PIKFYVE: variants seen among roughly 807,000 people sequenced by gnomAD.
The protein encoded by PIKFYVE is phosphoinositide kinase, FYVE-type zinc finger containing.
A neutral mutation model predicts 257.9 loss-of-function variants in PIKFYVE; 122 were observed. That is an observed-to-expected ratio of 0.47 (90% confidence interval 0.41 to 0.55). PIKFYVE has a LOEUF of 0.55. PIKFYVE is among the 20% of genes least tolerant of loss of function. The probability of loss-of-function intolerance (pLI) is 0.00; values close to 1 mark genes in which losing one functional copy is unlikely to be tolerated. For missense variants in PIKFYVE, 2,160 were observed against 2,536.6 expected (o/e 0.85, Z 3.19); for synonymous variants, 892 against 868.9 (o/e 1.03, Z -0.47).
chr2:208,308,708 G>GT (rs1559097410), intron 12 of PIKFYVE, among the ~76,000 whole-genome samples: 83 of 74,888 alleles, frequency 1.1e-3, no homozygotes, highest in Non-Finnish European at 1.8e-3. Context: ...ACTAGTAGTT[G>GT]GTTTTTTTTT....
chr2:208,314,288 A>G lies in PIKFYVE; in HGVS notation c.1697-6A>G, dbSNP rs368782494. On this transcript the variant is annotated splice_region_variant and splice_polypyrimidine_tract_variant and intron_variant, in intron 13 of 41. Transcript: ENST00000264380. The stretch of plus-strand genomic sequence containing the variant: ...GTAATAACTTCTTATTTTATATTGT[A>G]CTTAGAATCCTTATTTAATCGCCGA... The G allele has an allele frequency of 9.9e-6, 16 of 1,610,974 alleles. No individual in the cohort carries two copies. In the African/African-American group the frequency reaches 2.1e-4, roughly 22 times the overall value.
At chr2:208,315,772 C>G (rs1695432007) in intron 15 of PIKFYVE, among the ~76,000 whole-genome samples, 1 of 151,792 alleles carries the variant, frequency 6.6e-6, no homozygotes, top group African/African-American at 2.4e-5. Context: ...GCATGCAGCC[C>G]AAGACTGCTT....
rs1051630493 is a variant in PIKFYVE at position 208,356,088 on chromosome 2, A to G, written c.*783A>G. ...ATTCTAGGGTTTTTTCTCTATTTTT[A>G]GGGTATCATAGTAAATCATTAGTAA... On this transcript the variant is annotated 3_prime_UTR_variant, in exon 42 of 42. Coordinates refer to ENST00000264380, the MANE Select transcript of PIKFYVE (RefSeq NM_015040.4). 14 of 152,222 alleles carry G rather than the reference A, an allele frequency of 9.2e-5. No individual in the cohort carries two copies. Among genetic ancestry groups the G allele is most frequent in the Non-Finnish European group, 1.8e-4 (12 of 68,040 alleles). 9.4% of individuals were successfully genotyped at this position (152,222 alleles called of 1,614,324 possible). A position where few individuals can be genotyped will look rare whatever the true frequency, so the allele number is the denominator to read the frequency against.
chr2:208,285,787 C>T lies in PIKFYVE; in HGVS notation c.675C>T (p.Asp225=), dbSNP rs150006688. Residue 225 remains aspartate (D), a synonymous_variant, in exon 6 of 42, where the codon GAC becomes GAT. Coordinates refer to ENST00000264380, the MANE Select transcript of PIKFYVE (RefSeq NM_015040.4). The part of the protein sequence containing the change: ...KIALSYAHST[D]SNSIGEDLNA... The stretch of plus-strand genomic sequence containing the variant: ...CCTTAAGTTATGCTCATTCCACAGA[C>T]AGTAATTCTATTGGGGAAGACTTGA... The T allele has an allele frequency of 1.2e-5, 19 of 1,613,836 alleles. No individual in the cohort carries two copies. In the East Asian group the frequency reaches 3.6e-4, roughly 30 times the overall value.
At chr2:208,293,717 T>C (rs1418334043) in intron 7 of PIKFYVE, among the ~76,000 whole-genome samples, 3 of 151,564 alleles carry the variant, frequency 2.0e-5, no homozygotes, top group Non-Finnish European at 4.4e-5. Flanking sequence ...GGTCTTGCTG[T>C]GTTGCCCAGG....
intron 35 of PIKFYVE, among the ~76,000 whole-genome samples, chr2:208,348,743 C>G (rs925820457): frequency 2.0e-5 from 3 of 151,918 alleles, no homozygotes; most frequent in African/African-American, 7.3e-5. Flanking sequence ...CATTCATTTA[C>G]TTATCATCTG....
chr2:208,336,074 T>C lies in PIKFYVE; in HGVS notation c.4394T>C (p.Ile1465Thr), dbSNP rs748106179. The C allele has an allele frequency of 6.8e-6, 11 of 1,613,994 alleles. No homozygotes were observed. Among genetic ancestry groups the C allele is most frequent in the Non-Finnish European group, 9.3e-6 (11 of 1,179,994 alleles). Residue 1465 changes from isoleucine to threonine, a missense_variant, in exon 27 of 42, where the codon ATT (isoleucine) becomes ACT (threonine). Around this residue, in one of 12 missense-constraint regions of PIKFYVE, gnomAD observed 699 missense variants for 855.8 expected, o/e 0.82. Transcript: ENST00000264380. ...GAAGAAGGTGAGTTCAAGAACTGGA[T>C]TGAGAAGATGCAAGCAAGGCTCATG... Reference protein sequence around the residue: ...EMEEGEFKNWIEKMQARLMSS... With the variant: ...EMEEGEFKNWTEKMQARLMSS...
At chr2:208,354,191 T>C (rs1425681199) in intron 40 of PIKFYVE, 32 bp downstream of exon 40, 1 of 1,605,532 alleles carries the variant, frequency 6.2e-7, no homozygotes, top group South Asian at 1.1e-5. Flanking sequence ...TTATATTTCA[T>C]GATTGAAGTC....
intron 12 of PIKFYVE, among the ~76,000 whole-genome samples, chr2:208,307,990 A>C (rs1694526832): frequency 6.6e-6 from 1 of 152,228 alleles, no homozygotes; most frequent in African/African-American, 2.4e-5. Flanking sequence ...TATTTATGGG[A>C]TATAAAAAGA....
At chr2:208,319,419 T>G (rs1695944472) in intron 16 of PIKFYVE, among the ~76,000 whole-genome samples, 1 of 152,238 alleles carries the variant, frequency 6.6e-6, no homozygotes, top group South Asian at 2.1e-4. Context: ...AATTAAATGA[T>G]ATTTGTTGAA....
At position 208,342,597 on chromosome 2, in the gene PIKFYVE, C is replaced by G. The variant is rs758597637; in HGVS notation, c.4975C>G (p.Pro1659Ala). 6.2e-7 allele frequency: 1 copy of G among 1,613,908 alleles called. No homozygotes were observed. The highest frequency in any genetic ancestry group is 1.1e-5 in the South Asian group (1 of 91,080). ...CTTAATGTATGAACATGAACGAGTG[C>G]CCATTGCAGTCTGCGAGAAGGAACC... ...HYLMYEHERVPIAVCEKEPSS... is the reference protein window; with the variant it reads ...HYLMYEHERVAIAVCEKEPSS... Residue 1659 changes from proline (P) to alanine (A), a missense_variant, in exon 32 of 42, where the codon CCC becomes GCC. Coordinates refer to ENST00000264380, the MANE Select transcript of PIKFYVE (RefSeq NM_015040.4).
Position 208,324,816 on chromosome 2 carries a change from T to C in PIKFYVE, c.2332-95T>C, listed in dbSNP as rs1696726280. The C allele has an allele frequency of 1.0e-5, 15 of 1,435,550 alleles. No homozygotes were observed. The South Asian group carries it at 1.8e-4, about 17-fold the overall frequency. 88.9% of individuals were successfully genotyped at this position (1,435,550 alleles called of 1,614,324 possible). ...TTATTAAAAAGGAAATTTGTGAATG[T>C]TATTTTTTAATTTTTCCATTACTTT... is the stretch of plus-strand genomic sequence containing the variant. On this transcript the variant is annotated intron_variant, in intron 18 of 41. Coordinates refer to ENST00000264380, the MANE Select transcript of PIKFYVE (RefSeq NM_015040.4).
intron 15 of PIKFYVE, among the ~76,000 whole-genome samples, chr2:208,315,999 A>G (rs555620293): frequency 5.4e-5 from 8 of 149,114 alleles, no homozygotes; most frequent in South Asian, 2.2e-4. Context: ...AGCATTAGGT[A>G]TATCACCTAA....
intron 5 of PIKFYVE, among the ~76,000 whole-genome samples, chr2:208,284,541 G>A (rs1303182751): frequency 3.3e-5 from 5 of 152,072 alleles, no homozygotes; most frequent in Non-Finnish European, 5.9e-5. Flanking sequence ...GATTACAGGC[G>A]TGAGCCACCG....
chr2:208,347,645 G>GT (rs1326088759), intron 34 of PIKFYVE, among the ~76,000 whole-genome samples: 1 of 151,996 alleles, frequency 6.6e-6, no homozygotes, highest in African/African-American at 2.4e-5. Flanking sequence ...ATTAATAGGG[G>GT]TTTTTGTTAA....
intron 27 of PIKFYVE, among the ~76,000 whole-genome samples, chr2:208,336,445 T>G (rs1459158559): frequency 6.6e-6 from 1 of 152,164 alleles, no homozygotes; most frequent in Non-Finnish European, 1.5e-5. Context: ...TAATATAATT[T>G]GAAACAATGT....
At chr2:208,280,913 C>T (rs1461053149) in intron 5 of PIKFYVE, among the ~76,000 whole-genome samples, 1 of 152,200 alleles carries the variant, frequency 6.6e-6, no homozygotes, top group East Asian at 1.9e-4. Context: ...ATTATAGTAA[C>T]CATGCCCACC....
intron 5 of PIKFYVE, among the ~76,000 whole-genome samples, chr2:208,280,847 A>G (rs1309815537): frequency 6.6e-6 from 1 of 152,256 alleles, no homozygotes; most frequent in Non-Finnish European, 1.5e-5. Context: ...ATGATCAACT[A>G]GCCAATGCCA....
chr2:208,294,322 C>T (rs1032013462), intron 7 of PIKFYVE, among the ~76,000 whole-genome samples: 7 of 152,194 alleles, frequency 4.6e-5, no homozygotes, highest in Admixed American at 4.6e-4. Context: ...CTGTTGTTTA[C>T]TTTTCGCATT....
Sources: gnomAD v4.1 joint callset for allele counts (sites outside exome capture counted in the v4.1 genomes callset) on GRCh38, gnomAD v4.1.1 for gene constraint, gnomAD v4.1.1 regional missense constraint, MANE v1.5 for transcripts, NCBI Gene and HGNC (gene_info 2026-07-23, HGNC 2026-07-21) for gene names.